Variants in PCP4 observed in about 807,000 individuals in gnomAD.
The protein encoded by PCP4 is calmodulin regulator protein PCP4.
A neutral mutation model predicts 10.0 loss-of-function variants in PCP4; 8 were observed. The ratio of observed to expected loss-of-function variants is 0.80; its 90% confidence interval spans 0.47 to 1.45. PCP4 has a LOEUF of 1.45. PCP4 is among the 40% of genes most tolerant of loss of function. The pLI, the probability that PCP4 is intolerant of heterozygous loss-of-function variation, is 0.00. For missense variants in PCP4, 54 were observed against 74.4 expected (o/e 0.73, Z 1.01); for synonymous variants, 21 against 23.0 (o/e 0.91, Z 0.24).
chr21:39,926,485 TCC>T (rs2087621809), intron 2 of PCP4, among the ~76,000 whole-genome samples: 1 of 63,172 alleles, frequency 1.6e-5, no homozygotes, highest in African/African-American at 6.6e-5. Context: ...AAACTTCCCC[TCC>T]TACTTGGAAT....
In PCP4 at chr21:39,914,019, C is replaced by G. The variant is rs953950055; in HGVS notation, c.62-14965C>G. 3.0e-3 allele frequency among the ~76,000 whole-genome samples: 7 copies of G among 2,298 alleles called. No homozygotes were observed. The African/African-American group carries it at 0.05, about 16-fold the overall frequency. 1.5% of individuals were successfully genotyped at this position (2,298 alleles called of 152,430 possible). On this transcript the variant is annotated intron_variant, in intron 2 of 2. Coordinates refer to ENST00000328619, the MANE Select transcript of PCP4 (RefSeq NM_006198.3). ...TGTCATGAAGGATGCCAGATGCACACACACACTGTGGGAGAAAGGCATTTA... is the reference window on the plus strand; with the variant it reads ...TGTCATGAAGGATGCCAGATGCACAGACACACTGTGGGAGAAAGGCATTTA...
At chr21:39,898,338 A>G (rs2087467225) in intron 1 of PCP4, 138 bp from the exon 2 acceptor site, 2 of 776,666 alleles carry the variant, frequency 2.6e-6, no homozygotes, top group Non-Finnish European at 4.6e-6. Context: ...TCTCACTAGC[A>G]CAGTGCTTTA....
At position 39,906,510 on chromosome 21, in the gene PCP4, C is replaced by T. The variant is rs1294092640; in HGVS notation, c.61+7983C>T. The stretch of plus-strand genomic sequence containing the variant: ...TATAGCCTCTTCATATTTCACCTGC[C>T]CTCTTCCTCACCCTTTCTCTTTCTC... On this transcript the variant is annotated intron_variant, in intron 2 of 2. Coordinates refer to ENST00000328619, the MANE Select transcript of PCP4 (RefSeq NM_006198.3). This position sits in a 1 kb window ranked among gnomAD's most constrained non-coding sequence, Gnocchi z 6.3. Among the ~76,000 whole-genome samples, 2 of 151,850 alleles carry T rather than the reference C, an allele frequency of 1.3e-5. No individual in the cohort carries two copies. Among genetic ancestry groups the T allele is most frequent in the Non-Finnish European group, 2.9e-5 (2 of 67,976 alleles).
chr21:39,917,186 G>A (rs760093205), intron 2 of PCP4, among the ~76,000 whole-genome samples: 9 of 152,224 alleles, frequency 5.9e-5, no homozygotes, highest in African/African-American at 9.6e-5. Context: ...TTAGCGACAC[G>A]ATAGATCTTT....
intron 1 of PCP4, 198 bp from the exon 2 acceptor site, chr21:39,898,278 G>A: frequency 3.1e-6 from 2 of 639,076 alleles, no homozygotes; most frequent in South Asian, 3.3e-5. Flanking sequence ...GGATGAGGGG[G>A]CCGGTCTGTG....
At chr21:39,890,441 T>A (rs900236642) in intron 1 of PCP4, among the ~76,000 whole-genome samples, 16 of 152,240 alleles carry the variant, frequency 1.1e-4, no homozygotes, top group Admixed American at 9.2e-4. Context: ...GTGCAACCTC[T>A]GCCTCCCAGG....
chr21:39,871,171 A>T (rs1311089059), intron 1 of PCP4, among the ~76,000 whole-genome samples: 1 of 152,240 alleles, frequency 6.6e-6, no homozygotes, highest in East Asian at 1.9e-4. Flanking sequence ...CATAGAAAAA[A>T]CATGAATTAA....
chr21:39,913,946 C>A (rs2087554756), intron 2 of PCP4, among the ~76,000 whole-genome samples: 1 of 58,030 alleles, frequency 1.7e-5, no homozygotes, highest in Non-Finnish European at 3.6e-5. Context: ...GATAGCATGG[C>A]CCAGCAGCTG....
chr21:39,913,594 A>G (rs976673960), intron 2 of PCP4, among the ~76,000 whole-genome samples: 1 of 152,210 alleles, frequency 6.6e-6, no homozygotes, highest in Admixed American at 6.5e-5. Flanking sequence ...CCATGCGTGA[A>G]AAGTGTAGAG....
At chr21:39,914,775 G>A (rs1646415283) in intron 2 of PCP4, among the ~76,000 whole-genome samples, 1 of 152,058 alleles carries the variant, frequency 6.6e-6, no homozygotes, top group South Asian at 2.1e-4. Context: ...CTGGGGAACT[G>A]TATGAAATTC....
chr21:39,870,353 T>C (rs992553975), intron 1 of PCP4, among the ~76,000 whole-genome samples: 13 of 152,144 alleles, frequency 8.5e-5, no homozygotes, highest in Admixed American at 8.5e-4. Context: ...GGTATTAAAA[T>C]ATGTCAGATG....
chr21:39,915,950 T>C (rs964974269), intron 2 of PCP4: 1 of 152,226 alleles, frequency 6.6e-6, no homozygotes. Context: ...CTGGAGTTTA[T>C]TGGGTGCTTA....
chr21:39,899,044 C>T (rs1479372139), intron 2 of PCP4, among the ~76,000 whole-genome samples: 1 of 152,158 alleles, frequency 6.6e-6, no homozygotes, highest in East Asian at 1.9e-4. Flanking sequence ...AACATTGCAT[C>T]CTGCCTCTTC....
intron 2 of PCP4, among the ~76,000 whole-genome samples, chr21:39,909,887 C>G (rs1021449348): frequency 3.9e-5 from 6 of 151,918 alleles, no homozygotes; most frequent in African/African-American, 1.4e-4. Flanking sequence ...CCTCTGCCTC[C>G]CGGGTTCAAG....
chr21:39,925,974 T>C lies in PCP4; in HGVS notation c.62-3010T>C, dbSNP rs116671485. Reference sequence around the variant, plus strand: ...GTATTTAGAACTGTACTTTCCTGACTTCCAGGGCCACAGACCATTTGTACT... The same window carrying C: ...GTATTTAGAACTGTACTTTCCTGACCTCCAGGGCCACAGACCATTTGTACT... On this transcript the variant is annotated intron_variant, in intron 2 of 2. Coordinates refer to ENST00000328619, the MANE Select transcript of PCP4 (RefSeq NM_006198.3). 3.5e-3 allele frequency: 1,570 copies of C among 454,730 alleles called. 26 individuals are homozygous for C. Among genetic ancestry groups the C allele is most frequent in the African/African-American group, 0.029 (1,456 of 50,120 alleles). 28.2% of individuals were successfully genotyped at this position (454,730 alleles called of 1,614,324 possible).
At chr21:39,911,777 A>G (rs2087541256) in intron 2 of PCP4, among the ~76,000 whole-genome samples, 2 of 152,336 alleles carry the variant, frequency 1.3e-5, no homozygotes, top group African/African-American at 4.8e-5. Flanking sequence ...TGTGTGGAAG[A>G]GTTGAACCGT....
chr21:39,878,032 A>G (rs1451361854), intron 1 of PCP4, among the ~76,000 whole-genome samples: 2 of 135,402 alleles, frequency 1.5e-5, no homozygotes, highest in African/African-American at 2.9e-5. Flanking sequence ...TGTCTTCTAT[A>G]CCGTTTCATC....
chr21:39,904,881 A>G (rs1201078400), intron 2 of PCP4, among the ~76,000 whole-genome samples: 1 of 152,200 alleles, frequency 6.6e-6, no homozygotes, highest in Non-Finnish European at 1.5e-5. Context: ...ACAAGCCAAG[A>G]TGAGCCTCTT....
chr21:39,918,396 A>G (rs892427082), intron 2 of PCP4, among the ~76,000 whole-genome samples: 2 of 152,184 alleles, frequency 1.3e-5, no homozygotes, highest in African/African-American at 4.8e-5. Context: ...TAGGAAATAG[A>G]TGACCGAGAG....
Sources: allele counts gnomAD v4.1 joint callset (sites outside exome capture counted in the v4.1 genomes callset), GRCh38; gene constraint gnomAD v4.1.1; non-coding constraint Gnocchi (gnomAD v3.1); transcripts MANE v1.5; gene names NCBI Gene and HGNC (gene_info 2026-07-23, HGNC 2026-07-21).